The following SGPP2 variants were observed in gnomAD, a reference collection of about 807,000 sequenced individuals.
The protein encoded by SGPP2 is sphingosine 1-phosphate phosphohydrolase 2.
In SGPP2, 30 loss-of-function variants were observed where a neutral mutation model predicts 33.9. That is an observed-to-expected ratio of 0.89 (90% confidence interval 0.66 to 1.20). SGPP2 has a LOEUF of 1.20. Among genes scored for constraint, SGPP2 ranks in the 50% most tolerant of loss-of-function variants. The pLI is 0.00. For missense variants in SGPP2, 458 were observed against 532.1 expected, an observed-to-expected ratio of 0.86 and a Z score of 1.37; for synonymous variants, 233 against 225.0, an observed-to-expected ratio of 1.04 and a Z score of -0.32.
Position 222,476,955 on chromosome 2 carries a change from GTATA to G in SGPP2, c.378+2230_378+2233del, listed in dbSNP as rs1433132679. Among the ~76,000 whole-genome samples, 1 of 151,252 alleles carries G rather than the reference GTATA, an allele frequency of 6.6e-6. No individual in the cohort carries two copies. Among genetic ancestry groups the G allele is most frequent in the African/African-American group, 2.4e-5 (1 of 40,894 alleles). On this transcript the variant is annotated intron_variant, in intron 2 of 4. Coordinates refer to ENST00000321276, the MANE Select transcript of SGPP2 (RefSeq NM_152386.4). This position sits in a 1 kb window ranked among gnomAD's most constrained non-coding sequence, Gnocchi z 4.3. ...AGTATATAGGTGTGTATGTATGTAT[GTATA>G]GTGTGTATATGTGTATATATAGGTG...
At chr2:222,529,999 C>T (rs1290937464) in intron 4 of SGPP2, among the ~76,000 whole-genome samples, 1 of 152,182 alleles carries the variant, frequency 6.6e-6, no homozygotes, top group African/African-American at 2.4e-5. Flanking sequence ...TCTTGTACAT[C>T]TTGTACATCT....
intron 4 of SGPP2, among the ~76,000 whole-genome samples, chr2:222,539,286 C>T (rs1186245212): frequency 1.3e-5 from 2 of 152,200 alleles, no homozygotes; most frequent in Admixed American, 1.3e-4. Flanking sequence ...AATCTTGAAG[C>T]TCCAAAATAA....
intron 1 of SGPP2, among the ~76,000 whole-genome samples, chr2:222,466,512 C>T (rs372448290): frequency 6.6e-6 from 1 of 152,116 alleles, no homozygotes; most frequent in Non-Finnish European, 1.5e-5. Context: ...CCCACCTCGG[C>T]CTCCCAAAGT....
chr2:222,442,196 G>C (rs1229710429), intron 1 of SGPP2, among the ~76,000 whole-genome samples: 1 of 152,034 alleles, frequency 6.6e-6, no homozygotes, highest in Non-Finnish European at 1.5e-5. Flanking sequence ...TCTTCCCTCT[G>C]GTATATTTTT....
In SGPP2 at chr2:222,460,459, T is replaced by C. The variant is rs972232112; in HGVS notation, c.220-14109T>C. On this transcript the variant is annotated intron_variant, in intron 1 of 4. Coordinates refer to ENST00000321276, the MANE Select transcript of SGPP2 (RefSeq NM_152386.4). The surrounding 1 kb of genome is among the most constrained non-coding windows in gnomAD (Gnocchi z 4.3). ...AGCTTCATGGCAATATGTCTGTGACTTCTCCTTAAGATACATTTGAATCTG... is the reference window on the plus strand; with the variant it reads ...AGCTTCATGGCAATATGTCTGTGACCTCTCCTTAAGATACATTTGAATCTG... Among the ~76,000 whole-genome samples, 1 of 152,214 alleles carries C rather than the reference T, an allele frequency of 6.6e-6. No individual in the cohort carries two copies. Among genetic ancestry groups the C allele is most frequent in the African/African-American group, 2.4e-5 (1 of 41,450 alleles).
intron 2 of SGPP2, among the ~76,000 whole-genome samples, chr2:222,480,880 A>G (rs907947439): frequency 1.3e-4 from 20 of 152,242 alleles, no homozygotes; most frequent in African/African-American, 4.6e-4. Flanking sequence ...CATCAATAAT[A>G]GACTGGATAA....
At chr2:222,526,118 G>C (rs1698755225) in intron 4 of SGPP2, among the ~76,000 whole-genome samples, 1 of 152,216 alleles carries the variant, frequency 6.6e-6, no homozygotes, top group Admixed American at 6.5e-5. Context: ...AAGTCTCCAA[G>C]TTAAAGAGTG....
At chr2:222,493,859 A>G (rs1446133529) in intron 2 of SGPP2, among the ~76,000 whole-genome samples, 1 of 152,190 alleles carries the variant, frequency 6.6e-6, no homozygotes, top group Non-Finnish European at 1.5e-5. Flanking sequence ...ACCAAACCAA[A>G]ATGGAGTCAC....
At chr2:222,543,258 A>G (rs1331247072) in intron 4 of SGPP2, among the ~76,000 whole-genome samples, 1 of 152,180 alleles carries the variant, frequency 6.6e-6, no homozygotes, top group Non-Finnish European at 1.5e-5. Context: ...TTTTTGTTCT[A>G]CATGAATACC....
chr2:222,525,154 C>A, intron 4 of SGPP2, 121 bp downstream of exon 4: 1 of 648,954 alleles, frequency 1.5e-6, no homozygotes, highest in Non-Finnish European at 2.6e-6. Flanking sequence ...TATTTCTCAT[C>A]ATGCCAATGC....
intron 1 of SGPP2, among the ~76,000 whole-genome samples, chr2:222,458,464 G>A (rs564066694): frequency 3.3e-5 from 5 of 152,224 alleles, no homozygotes; most frequent in East Asian, 1.9e-4. Flanking sequence ...GTCCTATATT[G>A]TTTTAGAGCA....
chr2:222,463,066 A>T (rs1268780218), intron 1 of SGPP2, among the ~76,000 whole-genome samples: 1 of 152,198 alleles, frequency 6.6e-6, no homozygotes, highest in African/African-American at 2.4e-5. Context: ...ATGTGACGGA[A>T]ATTGATGGAA....
intron 2 of SGPP2, among the ~76,000 whole-genome samples, chr2:222,490,533 A>C (rs1054914732): frequency 6.6e-6 from 1 of 152,068 alleles, no homozygotes; most frequent in Admixed American, 6.5e-5. Flanking sequence ...GACTTACTAG[A>C]CTTAAGTGAT....
rs542729717 is a variant in SGPP2 at position 222,521,815 on chromosome 2, C to T, written c.427C>T (p.Arg143Cys). Residue 143 changes from arginine to cysteine, a missense_variant, in exon 3 of 5, where the codon CGT becomes TGT. Coordinates refer to ENST00000321276, the MANE Select transcript of SGPP2 (RefSeq NM_152386.4). Reference sequence around the variant, plus strand: ...GGCCAAGGATGTCTTGAAGTGGCCCCGTCCCTCCTCCCCTCCAGTTGTAAA... The same window carrying T: ...GGCCAAGGATGTCTTGAAGTGGCCCTGTCCCTCCTCCCCTCCAGTTGTAAA... ...QVAKDVLKWP[R>C]PSSPPVVKLE... 8 of 1,610,040 alleles carry T rather than the reference C, an allele frequency of 5.0e-6. No homozygotes were observed. Among genetic ancestry groups the T allele is most frequent in the South Asian group, 3.3e-5 (3 of 90,152 alleles).
At chr2:222,517,902 G>A (rs1008269064) in intron 2 of SGPP2, among the ~76,000 whole-genome samples, 8 of 152,200 alleles carry the variant, frequency 5.3e-5, no homozygotes, top group African/African-American at 1.9e-4. Context: ...TGGCCATCCA[G>A]GTTGAACCAG....
chr2:222,537,514 A>C (rs1698933069), intron 4 of SGPP2, among the ~76,000 whole-genome samples: 1 of 152,220 alleles, frequency 6.6e-6, no homozygotes, highest in Non-Finnish European at 1.5e-5. Context: ...AATACAAATA[A>C]AAGTGAGATA....
At chr2:222,473,414 G>A (rs1190166524) in intron 1 of SGPP2, among the ~76,000 whole-genome samples, 5 of 152,130 alleles carry the variant, frequency 3.3e-5, no homozygotes, top group Admixed American at 2.0e-4. Context: ...CTCTGACTCT[G>A]ACCATTCTGC....
intron 3 of SGPP2, among the ~76,000 whole-genome samples, chr2:222,523,929 T>C (rs555559169): frequency 1.3e-5 from 2 of 152,274 alleles, no homozygotes; most frequent in South Asian, 2.1e-4. Context: ...CCAGCTGTTA[T>C]GGTACTCATG....
At chr2:222,466,210 A>C (rs753476195) in intron 1 of SGPP2, among the ~76,000 whole-genome samples, 1 of 147,886 alleles carries the variant, frequency 6.8e-6, no homozygotes, top group East Asian at 2.0e-4. Flanking sequence ...TGAATGTTCT[A>C]TGTAGACATG....
Sources: allele counts gnomAD v4.1 joint callset (sites outside exome capture counted in the v4.1 genomes callset), GRCh38; gene constraint gnomAD v4.1.1; non-coding constraint Gnocchi (gnomAD v3.1); transcripts MANE v1.5; gene names NCBI Gene and HGNC (gene_info 2026-07-23, HGNC 2026-07-21).